Variants in PROM2 observed in about 807,000 individuals in gnomAD.
The protein encoded by PROM2 is prominin 2, also known as prominin-2.
PROM2 carries 90 observed loss-of-function variants against 110.2 expected under a neutral mutation model. The ratio of observed to expected loss-of-function variants is 0.82; its 90% CI spans 0.69 to 0.97. The LOEUF is 0.97. Among genes scored for constraint, PROM2 ranks in the 50% least tolerant of loss-of-function variants. PROM2 has a pLI of 0.00. For synonymous variants in PROM2, 470 were observed against 467.8 expected (o/e 1.00, Z -0.06); for missense variants, 1,009 against 1,074.8 (o/e 0.94, Z 0.86).
chr2:95,282,478 T>TCAC (rs1160885890), intron 14 of PROM2, among the ~76,000 whole-genome samples: 3 of 151,942 alleles, frequency 2.0e-5, no homozygotes, highest in African/African-American at 7.3e-5. Flanking sequence ...GAAAGGCTGG[T>TCAC]GACAGTGAGC....
chr2:95,279,010 G>A lies in PROM2; in HGVS notation c.1140G>A (p.Gln380=). ...AGCTGAAGAAGGCAGTGGCCCAGCA[G>A]CCGGAAGGGGTGAGGACACTGGCTG... ...VQELKKAVAQ[Q]PEGVRTLAEG... The change falls in exon 10 of 24, where the codon CAG becomes CAA. Residue 380 remains glutamine (Q), a synonymous_variant. Transcript: ENST00000317620. The A allele has an allele frequency of 2.5e-6, 4 of 1,609,060 alleles. No homozygotes were observed. The highest frequency in any genetic ancestry group is 3.4e-6 in the Non-Finnish European group (4 of 1,177,484).
rs139194723 is a variant in PROM2 at position 95,279,870 on chromosome 2, T to A, written c.1300T>A (p.Ser434Thr). The A allele has an allele frequency of 6.6e-7, 1 of 1,522,788 alleles. No individual in the cohort carries two copies. The highest frequency in any genetic ancestry group is 8.8e-7 in the Non-Finnish European group (1 of 1,131,754). The allele number at this position is 1,522,788 out of a possible 1,614,324, so 94.3% of individuals were successfully genotyped here. A position where few individuals can be genotyped will look rare whatever the true frequency, so the allele number is the denominator to read the frequency against. The change falls in exon 11 of 24, where the codon TCC becomes ACC. Residue 434 changes from serine to threonine, a missense_variant. Physicochemically the swap from Ser to Thr is moderately conservative, Grantham distance 58. Transcript: ENST00000317620. ...GTGGATCGTGGGCTGCGTGCTGTGC[T>A]CCGTGGTCCTATTCGTGGTGCTCTG... ...YRWIVGCVLC[S>T]VVLFVVLCNL... is the part of the protein sequence containing the mutation.
intron 11 of PROM2, among the ~76,000 whole-genome samples, chr2:95,280,655 T>C (rs1676992610): frequency 6.6e-6 from 1 of 152,084 alleles, no homozygotes; most frequent in African/African-American, 2.4e-5. Context: ...GTTTTGTTTG[T>C]TGTTGTTGTG....
At chr2:95,285,819 C>A in intron 16 of PROM2, 109 bp downstream of exon 16, 1 of 1,036,632 alleles carries the variant, frequency 9.6e-7, no homozygotes, top group Non-Finnish European at 1.4e-6. Flanking sequence ...AGGACCCCCA[C>A]CAGTGAGGCC....
intron 10 of PROM2, 130 bp downstream of exon 10, chr2:95,279,274 G>A: frequency 1.5e-6 from 1 of 679,598 alleles, no homozygotes; most frequent in Non-Finnish European, 2.2e-6. Context: ...TGTGTTTTTT[G>A]TTTGTTTGTT....
intron 16 of PROM2, 132 bp downstream of exon 16, chr2:95,285,842 C>A: frequency 6.2e-6 from 5 of 811,334 alleles, no homozygotes; most frequent in South Asian, 1.7e-5. Context: ...AGGCTCCTGA[C>A]CCCTGGCTGG....
chr2:95,286,587 C>A lies in PROM2; in HGVS notation c.2040+16C>A. 2 of 1,609,582 alleles carry A rather than the reference C, an allele frequency of 1.2e-6. No individual in the cohort carries two copies. Among genetic ancestry groups the A allele is most frequent in the South Asian group, 2.2e-5 (2 of 90,926 alleles). ...GAGCCTTGTGGTCAGTTTGGAGGCC[C>A]GGGGAGCCTGGGGCCTGGGGGAGGG... is the stretch of plus-strand genomic sequence containing the variant. On this transcript the variant is annotated intron_variant, in intron 17 of 23. Coordinates refer to ENST00000317620, the MANE Select transcript of PROM2 (RefSeq NM_001165978.3).
Position 95,279,848 on chromosome 2 carries a change from G to T in PROM2, c.1278G>T (p.Trp426Cys). Residue 426 changes from tryptophan to cysteine, a missense_variant, in exon 11 of 24, where the codon TGG becomes TGT. Transcript: ENST00000317620. ...ACCCATGTCCTCTCTGTGGCAGGTG[G>T]ATCGTGGGCTGCGTGCTGTGCTCCG... ...QEVQRYETYR[W>C]IVGCVLCSVV... 1 of 1,452,624 alleles carries T rather than the reference G, an allele frequency of 6.9e-7. No individual in the cohort carries two copies. The allele number at this position is 1,452,624 out of a possible 1,614,324, so 90.0% of individuals were successfully genotyped here. A position where few individuals can be genotyped will look rare whatever the true frequency, so the allele number is the denominator to read the frequency against.
intron 11 of PROM2, among the ~76,000 whole-genome samples, chr2:95,280,407 T>G (rs1676980706): frequency 6.6e-6 from 1 of 152,170 alleles, no homozygotes; most frequent in Non-Finnish European, 1.5e-5. Context: ...ATCCACCCCA[T>G]GTTTTACTTT....
chr2:95,279,881 A>G lies in PROM2; in HGVS notation c.1311A>G (p.Leu437=). The change falls in exon 11 of 24, where the codon CTA becomes CTG. Residue 437 remains leucine (L), a synonymous_variant. Coordinates refer to ENST00000317620, the MANE Select transcript of PROM2 (RefSeq NM_001165978.3). ...IVGCVLCSVV[L]FVVLCNLLGL... ...GCTGCGTGCTGTGCTCCGTGGTCCT[A>G]TTCGTGGTGCTCTGCAACCTGCTGG... 3.9e-6 allele frequency: 6 copies of G among 1,546,882 alleles called. No individual in the cohort carries two copies. Among genetic ancestry groups the G allele is most frequent in the Non-Finnish European group, 5.2e-6 (6 of 1,143,758 alleles).
chr2:95,287,163 ACCTACCTGAAAGGAGAGCTG>A lies in PROM2; in HGVS notation c.2129_2148del (p.Tyr710CysfsTer12). ...GACCTCAGATGTCCTAGCCAATGTC[ACCTACCTGAAAGGAGAGCTG>A]CCTGCCTGGGCAGCCAGGATCCTGA... On this transcript the variant is annotated frameshift_variant, in exon 19 of 24. Transcript: ENST00000317620. LOFTEE classifies it high-confidence loss of function. The A allele has an allele frequency of 6.2e-7, 1 of 1,613,846 alleles. No homozygotes were observed. Among genetic ancestry groups the A allele is most frequent in the Non-Finnish European group, 8.5e-7 (1 of 1,179,968 alleles).
intron 8 of PROM2, chr2:95,278,208 C>T (rs1227276902): frequency 6.7e-6 from 4 of 598,128 alleles, no homozygotes; most frequent in African/African-American, 3.7e-5. Flanking sequence ...TTCAAGGCGG[C>T]AGGCGTCTGG....
intron 6 of PROM2, 31 bp from the exon 7 acceptor site, chr2:95,277,333 A>G: frequency 6.3e-7 from 1 of 1,583,694 alleles, no homozygotes; most frequent in East Asian, 2.3e-5. Flanking sequence ...CATATGGTGG[A>G]CCCTGCTCAG....
intron 8 of PROM2, 30 bp from the exon 9 acceptor site, chr2:95,278,691 G>A (rs1676826158): frequency 1.9e-6 from 3 of 1,613,664 alleles, no homozygotes; most frequent in Non-Finnish European, 2.5e-6. Context: ...GGCAGAGATG[G>A]GGAGGCCCAG....
At position 95,275,088 on chromosome 2, in the gene PROM2, A is replaced by G. The variant is rs996684988; in HGVS notation, c.244+259A>G. On this transcript the variant is annotated intron_variant, in intron 1 of 23. Coordinates refer to ENST00000317620, the MANE Select transcript of PROM2 (RefSeq NM_001165978.3). The surrounding 1 kb of genome is among the most constrained non-coding windows in gnomAD (Gnocchi z 4.4). ...GAAATACATTAGACCTGACTCAGAC[A>G]TCCTCTTAGTCTATCGGTGCTTGGG... The G allele has an allele frequency of 1.2e-5, 6 of 485,010 alleles. No individual in the cohort carries two copies. Among genetic ancestry groups the G allele is most frequent in the African/African-American group, 9.8e-5 (5 of 50,790 alleles). The allele number at this position is 485,010 out of a possible 1,614,324, so 30.0% of individuals were successfully genotyped here.
Position 95,276,492 on chromosome 2 carries a change from T to C in PROM2, c.619-102T>C, listed in dbSNP as rs757865512. The C allele has an allele frequency of 6.2e-6, 10 of 1,600,722 alleles. No homozygotes were observed. The highest frequency in any genetic ancestry group is 6.8e-6 in the Non-Finnish European group (8 of 1,169,538). On this transcript the variant is annotated intron_variant, in intron 4 of 23. Transcript: ENST00000317620. The surrounding 1 kb of genome is among the most constrained non-coding windows in gnomAD (Gnocchi z 4.6). ...GCCCTTGCCTGAGAGTCGACCACCC[T>C]CAGGGTGGATGCCATAGGGGCAGGG...
At chr2:95,288,384 G>A in intron 21 of PROM2, 84 bp downstream of exon 21, 1 of 1,588,920 alleles carries the variant, frequency 6.3e-7, no homozygotes, top group East Asian at 2.2e-5. Flanking sequence ...AGCAGGGTGT[G>A]AAGCCAGGCA....
intron 18 of PROM2, 103 bp downstream of exon 18, chr2:95,286,960 T>G (rs1156457351): frequency 2.8e-6 from 4 of 1,419,614 alleles, no homozygotes; most frequent in Non-Finnish European, 3.9e-6. Flanking sequence ...CTGCCCAGGT[T>G]GCAGGTGGGG....
intron 6 of PROM2, 52 bp from the exon 7 acceptor site, chr2:95,277,312 G>A (rs1020197447): frequency 6.0e-5 from 92 of 1,543,712 alleles, no homozygotes; most frequent in Middle Eastern, 5.4e-4. Flanking sequence ...CCTGCAAGGC[G>A]TCTGGGGATG....
Sources: gnomAD v4.1 joint callset for allele counts (sites outside exome capture counted in the v4.1 genomes callset) on GRCh38, gnomAD v4.1.1 for gene constraint, Gnocchi (gnomAD v3.1) non-coding constraint, MANE v1.5 for transcripts, NCBI Gene and HGNC (gene_info 2026-07-23, HGNC 2026-07-21) for gene names.